VWA8: variants seen among roughly 807,000 people sequenced by gnomAD.
VWA8 encodes the protein von Willebrand factor A domain-containing protein 8.
Under a neutral mutation model 241.5 loss-of-function variants are expected in VWA8, and 221 were observed. That is an observed-to-expected ratio of 0.91 (90% CI 0.82 to 1.02). The LOEUF is 1.02. Ranked by LOEUF, VWA8 falls within the 50% of genes least tolerant of loss-of-function variation. The pLI is 0.00. For missense variants in VWA8, 2,322 were observed against 2,328.7 expected, an observed-to-expected ratio of 1.00 and a Z score of 0.06; for synonymous variants, 852 against 827.1, an observed-to-expected ratio of 1.03 and a Z score of -0.52.
intron 17 of VWA8, among the ~76,000 whole-genome samples, chr13:41,803,374 A>T (rs1335824879): frequency 6.6e-6 from 1 of 152,196 alleles, no homozygotes; most frequent in African/African-American, 2.4e-5. Context: ...ATATGACTGT[A>T]TTAGTCCATT....
chr13:41,738,799 A>G (rs2045544924), intron 21 of VWA8, among the ~76,000 whole-genome samples: 1 of 152,064 alleles, frequency 6.6e-6, no homozygotes, highest in South Asian at 2.1e-4. Context: ...TTTTCTAATC[A>G]TTTTTTTGAA....
intron 20 of VWA8, among the ~76,000 whole-genome samples, chr13:41,772,128 G>T (rs376760814): frequency 3.1e-3 from 468 of 149,746 alleles, no homozygotes; most frequent in African/African-American, 9.9e-3. Flanking sequence ...TACCTCAGGT[G>T]ATCCGCCCGC....
chr13:41,622,979 T>C lies in VWA8; in HGVS notation c.4612-7895A>G, dbSNP rs112998664. On this transcript the variant is annotated intron_variant, in intron 37 of 44. Transcript: ENST00000379310. ...TTTCCTTTTAAACAGAAGTCGGATA[T>C]ATCATGCTTGGCTGGAATTAAGCAC... is the stretch of plus-strand genomic sequence containing the variant. 4.6e-3 allele frequency among the ~76,000 whole-genome samples: 703 copies of C among 152,324 alleles called. 10 individuals are homozygous for C. Among genetic ancestry groups the C allele is most frequent in the African/African-American group, 0.016 (662 of 41,592 alleles).
chr13:41,573,400 G>A (rs892582521), intron 43 of VWA8, among the ~76,000 whole-genome samples: 6 of 145,946 alleles, frequency 4.1e-5, no homozygotes, highest in African/African-American at 1.5e-4. Context: ...CCTGAGCAAC[G>A]GAGCAAGACT....
At chr13:41,836,005 T>A (rs1252407840) in intron 12 of VWA8, among the ~76,000 whole-genome samples, 3 of 152,192 alleles carry the variant, frequency 2.0e-5, no homozygotes, top group Non-Finnish European at 4.4e-5. Context: ...AGCTCCACTA[T>A]CCTGAAGATT....
rs373826570 is a variant in VWA8 at position 41,944,083 on chromosome 13, C to T, written c.241+5853G>A. On this transcript the variant is annotated intron_variant, in intron 2 of 44. Coordinates refer to ENST00000379310, the MANE Select transcript of VWA8 (RefSeq NM_015058.2). ...TTGAGCCACTGCACTCCAGCCTGGG[C>T]GACAGAGCAAGACTCTGTCTCAAAA... is the stretch of plus-strand genomic sequence containing the variant. Among the ~76,000 whole-genome samples, 264 of 150,478 alleles carry T rather than the reference C, an allele frequency of 1.8e-3. 2 individuals carry two copies. Among genetic ancestry groups the T allele is most frequent in the African/African-American group, 5.8e-3 (238 of 40,940 alleles).
At chr13:41,821,022 G>A (rs1478560825) in intron 14 of VWA8, among the ~76,000 whole-genome samples, 1 of 152,110 alleles carries the variant, frequency 6.6e-6, no homozygotes, top group African/African-American at 2.4e-5. Flanking sequence ...ACCAAATCAG[G>A]GAATAAACAA....
chr13:41,739,234 A>G (rs1374602591), intron 21 of VWA8, among the ~76,000 whole-genome samples: 1 of 152,202 alleles, frequency 6.6e-6, no homozygotes, highest in Non-Finnish European at 1.5e-5. Context: ...TCAATTTTGC[A>G]TGAGATTAAA....
chr13:41,730,842 C>G (rs1463386023), intron 22 of VWA8, among the ~76,000 whole-genome samples: 2 of 151,540 alleles, frequency 1.3e-5, no homozygotes, highest in Non-Finnish European at 2.9e-5. Flanking sequence ...TTCCTTCTAC[C>G]ACAATTATTT....
intron 12 of VWA8, among the ~76,000 whole-genome samples, chr13:41,841,935 T>C (rs1872076396): frequency 6.9e-6 from 1 of 144,150 alleles, no homozygotes. Flanking sequence ...CAAAGGAAAC[T>C]AGCTGAATTT....
At chr13:41,841,801 A>T (rs1423235622) in intron 12 of VWA8, among the ~76,000 whole-genome samples, 13 of 31,800 alleles carry the variant, frequency 4.1e-4, no homozygotes, top group African/African-American at 1.2e-3. Flanking sequence ...AAAAAAAAAA[A>T]AAAAAAAAAA....
intron 14 of VWA8, among the ~76,000 whole-genome samples, chr13:41,820,566 C>A (rs1320150060): frequency 6.6e-6 from 1 of 152,174 alleles, no homozygotes; most frequent in African/African-American, 2.4e-5. Context: ...AATGAATTCA[C>A]AAATACTACC....
chr13:41,857,506 G>T (rs1476547703), intron 12 of VWA8, among the ~76,000 whole-genome samples: 1 of 151,964 alleles, frequency 6.6e-6, no homozygotes, highest in Non-Finnish European at 1.5e-5. Flanking sequence ...CTGCTTATTA[G>T]TACCCTGATG....
At chr13:41,880,363 T>C (rs1874111139) in intron 9 of VWA8, among the ~76,000 whole-genome samples, 1 of 152,126 alleles carries the variant, frequency 6.6e-6, no homozygotes, top group Non-Finnish European at 1.5e-5. Context: ...ATGATGCCCC[T>C]ATACCCCTAA....
intron 12 of VWA8, among the ~76,000 whole-genome samples, chr13:41,847,332 G>A (rs191835887): frequency 6.5e-4 from 99 of 152,284 alleles, no homozygotes; most frequent in Non-Finnish European, 1.1e-3. Context: ...ATGACTCAGT[G>A]CATCAAAAAC....
At chr13:41,859,040 G>A (rs1369337957) in intron 12 of VWA8, among the ~76,000 whole-genome samples, 1 of 150,584 alleles carries the variant, frequency 6.6e-6, no homozygotes, top group East Asian at 2.0e-4. Context: ...CTGCGCCACT[G>A]CACTCCAGTC....
rs556380190 is a variant in VWA8, at chr13:41,580,026, T to A, written c.5272-4188A>T. On this transcript the variant is annotated intron_variant, in intron 42 of 44. Coordinates refer to ENST00000379310, the MANE Select transcript of VWA8 (RefSeq NM_015058.2). ...CACACCTGGCTAATTTTTGTATTTT[T>A]TTTTTTTTTGTAGAGACAGGGTCTT... Among the ~76,000 whole-genome samples, 19 of 152,140 alleles carry A rather than the reference T, an allele frequency of 1.2e-4. No individual in the cohort carries two copies. The South Asian group carries it at 3.1e-3, about 25-fold the overall frequency.
intron 42 of VWA8, among the ~76,000 whole-genome samples, chr13:41,579,341 C>T (rs1386850381): frequency 1.3e-5 from 2 of 152,158 alleles, no homozygotes; most frequent in African/African-American, 2.4e-5. Flanking sequence ...GAAATGCCAG[C>T]GGAACCCTAG....
chr13:41,609,450 T>G (rs181368397), intron 39 of VWA8, among the ~76,000 whole-genome samples: 5 of 152,242 alleles, frequency 3.3e-5, no homozygotes, highest in Admixed American at 3.3e-4. Context: ...ATGATAGAAG[T>G]CTTGGATTAG....
Sources: gnomAD v4.1 joint callset for allele counts (sites outside exome capture counted in the v4.1 genomes callset) on GRCh38, gnomAD v4.1.1 for gene constraint, MANE v1.5 for transcripts, NCBI Gene and HGNC (gene_info 2026-07-23, HGNC 2026-07-21) for gene names.